The following KMT2E variants were observed in gnomAD, a reference collection of about 807,000 sequenced individuals.
KMT2E encodes the protein lysine methyltransferase 2E (inactive).
KMT2E carries 30 observed loss-of-function variants against 184.6 expected under a neutral mutation model. The observed-to-expected ratio is 0.16, with a 90% CI of 0.12 to 0.22. The LOEUF is 0.22. KMT2E is among the 10% of genes least tolerant of loss of function. The pLI, the probability that KMT2E is intolerant of heterozygous loss-of-function variation, is 1.00. For missense variants in KMT2E, 2,023 were observed against 2,237.4 expected (o/e 0.90, Z 1.93); for synonymous variants, 815 against 776.5 (o/e 1.05, Z -0.82).
chr7:105,023,838 G>A (rs1226654778), intron 1 of KMT2E, among the ~76,000 whole-genome samples: 1 of 152,120 alleles, frequency 6.6e-6, no homozygotes, highest in Non-Finnish European at 1.5e-5. Context: ...TTTTAAAAGG[G>A]GGTTGGTGAG....
intron 6 of KMT2E, among the ~76,000 whole-genome samples, chr7:105,071,608 A>ATTTTT (rs869055986): frequency 2.5e-4 from 8 of 31,878 alleles, no homozygotes; most frequent in East Asian, 2.4e-3. Context: ...ATATATATAT[A>ATTTTT]TTTTTTTTTT....
Position 105,102,207 on chromosome 7 carries a change from T to G in KMT2E, c.2196+13T>G. ...CAAAACAAAGAAGGTATGATTCTAA[T>G]GAATGTAAGAACTGTTTTTCTAACA... On this transcript the variant is annotated intron_variant, in intron 17 of 26. Coordinates refer to ENST00000311117, the MANE Select transcript of KMT2E (RefSeq NM_182931.3). 6.4e-7 allele frequency: 1 copy of G among 1,572,524 alleles called. No homozygotes were observed. Among genetic ancestry groups the G allele is most frequent in the Non-Finnish European group, 8.6e-7 (1 of 1,167,080 alleles).
intron 5 of KMT2E, among the ~76,000 whole-genome samples, chr7:105,066,406 G>A: frequency 6.6e-6 from 1 of 151,988 alleles, no homozygotes; most frequent in East Asian, 1.9e-4. Flanking sequence ...TATTCTCCAA[G>A]GTGCTTTTCT....
At chr7:105,093,283 C>A (rs1185849929) in intron 15 of KMT2E, among the ~76,000 whole-genome samples, 3 of 152,130 alleles carry the variant, frequency 2.0e-5, no homozygotes, top group African/African-American at 2.4e-5. Flanking sequence ...AGATTGAATT[C>A]TCTTTAAAAA....
chr7:105,085,573 C>T (rs189356019), intron 13 of KMT2E, among the ~76,000 whole-genome samples: 170 of 152,140 alleles, frequency 1.1e-3, no homozygotes, highest in Middle Eastern at 3.4e-3. Flanking sequence ...ATAATACAAA[C>T]ACCCATGTAC....
chr7:105,088,820 G>A (rs1459793370), intron 13 of KMT2E, among the ~76,000 whole-genome samples: 1 of 152,186 alleles, frequency 6.6e-6, no homozygotes, highest in Non-Finnish European at 1.5e-5. Flanking sequence ...ATGAGACAGA[G>A]TGCAGTTATT....
intron 1 of KMT2E, among the ~76,000 whole-genome samples, 179 bp downstream of exon 1, chr7:105,014,714 C>T (rs1794638230): frequency 1.3e-5 from 2 of 152,086 alleles, no homozygotes; most frequent in South Asian, 4.1e-4. Context: ...TCTTTCTTCT[C>T]CCTGACCCTA....
intron 22 of KMT2E, among the ~76,000 whole-genome samples, chr7:105,108,383 T>C (rs1225941292): frequency 6.6e-6 from 1 of 152,228 alleles, no homozygotes; most frequent in East Asian, 1.9e-4. Context: ...GTATTAAATA[T>C]TAAGTTAGTT....
intron 13 of KMT2E, among the ~76,000 whole-genome samples, chr7:105,087,291 TATATA>T (rs1252820966): frequency 1.4e-5 from 2 of 147,180 alleles, no homozygotes; most frequent in African/African-American, 5.0e-5. Flanking sequence ...TATGATATAA[TATATA>T]TAATATATAA....
rs138700844 is a variant in KMT2E, at chr7:105,076,965, T to C, written c.771T>C (p.Gly257=). ...TAAAGCTCAGTTTATGATTTTAGGGTTCAGCTCCAGAGATTGATCCTTCAT... is the reference window on the plus strand; with the variant it reads ...TAAAGCTCAGTTTATGATTTTAGGGCTCAGCTCCAGAGATTGATCCTTCAT... ...EGSRKSSRVK[G]SAPEIDPSSD... The change falls in exon 10 of 27, where the codon GGT becomes GGC. Residue 257 remains glycine (G), a splice_region_variant and synonymous_variant. Transcript: ENST00000311117. 2.7e-4 allele frequency: 430 copies of C among 1,610,748 alleles called. 4 individuals are homozygous for C. In the East Asian group the frequency reaches 9.4e-3, roughly 35 times the overall value.
chr7:105,079,693 T>G, intron 12 of KMT2E, among the ~76,000 whole-genome samples: 1 of 150,476 alleles, frequency 6.6e-6, no homozygotes. Flanking sequence ...CCCAGCTAAT[T>G]TTTTAAATTT....
intron 15 of KMT2E, among the ~76,000 whole-genome samples, chr7:105,095,133 A>G (rs1214183861): frequency 6.6e-6 from 1 of 152,206 alleles, no homozygotes; most frequent in East Asian, 1.9e-4. Context: ...ATAAGGCAGT[A>G]TCTCTGCTTT....
At chr7:105,100,828 ACTT>A (rs1215941513) in intron 15 of KMT2E, among the ~76,000 whole-genome samples, 1 of 152,190 alleles carries the variant, frequency 6.6e-6, no homozygotes, top group Middle Eastern at 3.2e-3. Context: ...TCATAAATGA[ACTT>A]CTTGCCAGAC....
chr7:105,076,872 TTGTGTGTGTGTGTGTGTGTG>T lies in KMT2E; in HGVS notation c.769-63_769-44del, dbSNP rs10598888. ...TCTTTTGTATAGATTGCCGTTAATTTTGTGTGTGTGTGTGTGTGTGTGTGTGTGTGTGTGTGTGTGTGTGT... is the reference window on the plus strand; with the variant it reads ...TCTTTTGTATAGATTGCCGTTAATTTTGTGTGTGTGTGTGTGTGTGTGTGT... On this transcript the variant is annotated intron_variant, in intron 9 of 26. Transcript: ENST00000311117. The T allele has an allele frequency of 9.6e-4, 604 of 632,418 alleles. 4 individuals are homozygous for T. The highest frequency in any genetic ancestry group is 7.8e-3 in the African/African-American group (389 of 50,124). 39.2% of individuals were successfully genotyped at this position (632,418 alleles called of 1,614,324 possible). A position where few individuals can be genotyped will look rare whatever the true frequency, so the allele number is the denominator to read the frequency against.
chr7:105,045,873 CTT>C (rs1268626919), intron 3 of KMT2E, among the ~76,000 whole-genome samples: 1 of 152,080 alleles, frequency 6.6e-6, no homozygotes, highest in African/African-American at 2.4e-5. Flanking sequence ...TCGTCGATCT[CTT>C]TTTTCCATCT....
intron 11 of KMT2E, among the ~76,000 whole-genome samples, 189 bp from the exon 12 acceptor site, chr7:105,078,657 C>CTTT (rs71152940): frequency 2.6e-4 from 12 of 46,724 alleles, no homozygotes; most frequent in Non-Finnish European, 4.0e-4. Flanking sequence ...CATGCCTGGC[C>CTTT]TTTTTTTTTT....
chr7:105,051,373 C>T (rs1287976409), intron 3 of KMT2E, among the ~76,000 whole-genome samples: 3 of 150,752 alleles, frequency 2.0e-5, no homozygotes, highest in Admixed American at 6.6e-5. Context: ...TTACTAGAGG[C>T]GGGGTTTCTC....
At chr7:105,068,042 T>G (rs1000679284) in intron 6 of KMT2E, among the ~76,000 whole-genome samples, 1 of 152,204 alleles carries the variant, frequency 6.6e-6, no homozygotes, top group Non-Finnish European at 1.5e-5. Flanking sequence ...GCCATTGTTA[T>G]GATATTGATT....
rs558661253 is a variant in KMT2E, at chr7:105,084,655, A to C, written c.1358+2858A>C. On this transcript the variant is annotated intron_variant, in intron 13 of 26. Coordinates refer to ENST00000311117, the MANE Select transcript of KMT2E (RefSeq NM_182931.3). The stretch of plus-strand genomic sequence containing the variant: ...AAAAAAAAAAAAATTACTGTATTGC[A>C]CTGAAGACTATGAAGAATTCATGAG... Among the ~76,000 whole-genome samples, 6 of 151,780 alleles carry C rather than the reference A, an allele frequency of 4.0e-5. No homozygotes were observed. In the East Asian group the frequency reaches 1.2e-3, roughly 29 times the overall value.
Sources: gnomAD v4.1 joint callset for allele counts (sites outside exome capture counted in the v4.1 genomes callset) on GRCh38, gnomAD v4.1.1 for gene constraint, MANE v1.5 for transcripts, NCBI Gene and HGNC (gene_info 2026-07-23, HGNC 2026-07-21) for gene names.